The following PKD1L1 variants were observed in gnomAD, a reference collection of about 807,000 sequenced individuals.
PKD1L1 encodes the protein polycystin 1 like 1, transient receptor potential channel interacting.
PKD1L1 carries 236 observed loss-of-function variants against 323.4 expected under a neutral mutation model. The observed-to-expected ratio is 0.73, with a 90% CI of 0.66 to 0.81. The LOEUF (loss-of-function observed/expected upper bound fraction) is 0.81, where lower values mean the gene tolerates loss of function less well. Among genes scored for constraint, PKD1L1 ranks in the 40% least tolerant of loss-of-function variants. The probability of loss-of-function intolerance (pLI) is 0.00; values close to 1 mark genes in which losing one functional copy is unlikely to be tolerated. For synonymous variants in PKD1L1, 1,344 were observed against 1,335.0 expected (o/e 1.01, Z -0.15); for missense variants, 3,320 against 3,508.0 (o/e 0.95, Z 1.35).
intron 9 of PKD1L1, among the ~76,000 whole-genome samples, chr7:47,906,275 A>G (rs1478809298): frequency 2.6e-5 from 4 of 152,200 alleles, no homozygotes; most frequent in Non-Finnish European, 4.4e-5. Context: ...GTATTTCTCA[A>G]TATGTACACT....
chr7:47,872,533 G>C (rs1326374262), intron 24 of PKD1L1, among the ~76,000 whole-genome samples: 1 of 152,142 alleles, frequency 6.6e-6, no homozygotes, highest in Non-Finnish European at 1.5e-5. Flanking sequence ...ACATAAAAAT[G>C]GGTAAAGTAC....
intron 26 of PKD1L1, among the ~76,000 whole-genome samples, chr7:47,862,219 T>C (rs1786047867): frequency 6.6e-6 from 1 of 151,698 alleles, no homozygotes; most frequent in Admixed American, 6.6e-5. Context: ...AATTGGATTG[T>C]GTCCTCAAAC....
intron 34 of PKD1L1, among the ~76,000 whole-genome samples, chr7:47,842,112 C>T (rs891471250): frequency 6.6e-6 from 1 of 152,226 alleles, no homozygotes; most frequent in Non-Finnish European, 1.5e-5. Flanking sequence ...TAAAGCTTCA[C>T]CACTAAATCT....
At chr7:47,931,071 GT>G in intron 6 of PKD1L1, 32 bp downstream of exon 6, 1 of 1,590,232 alleles carries the variant, frequency 6.3e-7, no homozygotes, top group Non-Finnish European at 8.6e-7. Context: ...GATTGGAGAA[GT>G]GGTGCTGGCC....
chr7:47,949,688 C>T (rs1341929559), upstream of PKD1L1, among the ~76,000 whole-genome samples: 1 of 152,170 alleles, frequency 6.6e-6, no homozygotes, highest in Non-Finnish European at 1.5e-5. Context: ...ATGTTTTACT[C>T]AGAACACTAG....
intron 42 of PKD1L1, among the ~76,000 whole-genome samples, chr7:47,830,790 G>A (rs377280101): frequency 7.9e-5 from 12 of 152,206 alleles, no homozygotes; most frequent in Admixed American, 2.0e-4. Context: ...GTGCCGGAGT[G>A]ACAGGATCAG....
At chr7:47,950,944 C>G (rs999636751), upstream of PKD1L1, among the ~76,000 whole-genome samples, 2 of 152,170 alleles carry the variant, frequency 1.3e-5, no homozygotes, top group Non-Finnish European at 2.9e-5. Flanking sequence ...GGGCCATACT[C>G]CTCCACCTGG....
chr7:47,809,709 T>C (rs1584958182), intron 50 of PKD1L1, 132 bp from the exon 51 acceptor site: 2 of 623,930 alleles, frequency 3.2e-6, no homozygotes, highest in East Asian at 6.0e-5. Context: ...TTTCCTGTTC[T>C]GCAGAGGTTT....
At chr7:47,851,574 T>C (rs1562958906) in intron 31 of PKD1L1, among the ~76,000 whole-genome samples, 1 of 152,258 alleles carries the variant, frequency 6.6e-6, no homozygotes, top group East Asian at 1.9e-4. Flanking sequence ...ATATCACCCA[T>C]GGATCCTTAA....
At chr7:47,811,551 C>T (rs540134181) in intron 50 of PKD1L1, among the ~76,000 whole-genome samples, 1 of 152,338 alleles carries the variant, frequency 6.6e-6, no homozygotes, top group African/African-American at 2.4e-5. Flanking sequence ...CCCAATTCCC[C>T]CGTGATGAAT....
intron 3 of PKD1L1, among the ~76,000 whole-genome samples, chr7:47,938,496 G>A (rs923830429): frequency 3.9e-5 from 6 of 152,206 alleles, no homozygotes; most frequent in Non-Finnish European, 7.3e-5. Flanking sequence ...CTAGTGAGCA[G>A]CATGGGAGAC....
At chr7:47,939,130 C>G (rs12669119) in intron 3 of PKD1L1, among the ~76,000 whole-genome samples, 19,101 of 152,218 alleles carry the variant, frequency 0.13, 1,339 homozygotes, top group East Asian at 0.23. Context: ...AGACGCTCAT[C>G]TTACTAAATA....
At chr7:47,950,847 C>T (rs1788194439), upstream of PKD1L1, among the ~76,000 whole-genome samples, 1 of 152,222 alleles carries the variant, frequency 6.6e-6, no homozygotes, top group Admixed American at 6.5e-5. Flanking sequence ...GGCAGCCTCG[C>T]CTTTTTCCGG....
intron 19 of PKD1L1, among the ~76,000 whole-genome samples, chr7:47,884,167 T>G (rs1786628398): frequency 6.9e-6 from 1 of 145,812 alleles, no homozygotes; most frequent in African/African-American, 2.6e-5. Flanking sequence ...GTGTGTGTGT[T>G]TTGGGGGTTG....
Position 47,905,939 on chromosome 7 carries a change from G to C in PKD1L1, c.1426C>G (p.Pro476Ala). 5 of 1,609,372 alleles carry C rather than the reference G, an allele frequency of 3.1e-6. No individual in the cohort carries two copies. The highest frequency in any genetic ancestry group is 4.2e-6 in the Non-Finnish European group (5 of 1,178,484). ...GACACGTTATATGAAGGAATAGATGGAAAGTGATGTATAACCACAGTGCCT... is the reference window on the plus strand; with the variant it reads ...GACACGTTATATGAAGGAATAGATGCAAAGTGATGTATAACCACAGTGCCT... ...QKSTVVIHHF[P>A]SIPSYNVSFI... Residue 476 changes from proline to alanine, a missense_variant, in exon 10 of 57, where the codon CCA (proline) becomes GCA (alanine). Transcript: ENST00000289672.
chr7:47,882,916 G>A (rs868736334), intron 19 of PKD1L1, among the ~76,000 whole-genome samples: 2 of 152,140 alleles, frequency 1.3e-5, no homozygotes, highest in Middle Eastern at 3.2e-3. Flanking sequence ...GCAAAGGAAG[G>A]GCTCCTGCAT....
rs1040739546 is a variant in PKD1L1 at position 47,946,328 on chromosome 7, A to G, written c.44+2069T>C. ...CAGGGGCTGGGGGGCAAGGGGAGGG[A>G]GAGCATTAGGACAAATACCTACCAC... On this transcript the variant is annotated intron_variant, in intron 1 of 56. Coordinates refer to ENST00000289672, the MANE Select transcript of PKD1L1 (RefSeq NM_138295.5). This position sits in a 1 kb window ranked among gnomAD's most constrained non-coding sequence, Gnocchi z 4.1. 6.6e-6 allele frequency among the ~76,000 whole-genome samples: 1 copy of G among 151,864 alleles called. No homozygotes were observed. Among genetic ancestry groups the G allele is most frequent in the African/African-American group, 2.4e-5 (1 of 41,324 alleles).
At chr7:47,848,175 C>T (rs1347843363) in intron 31 of PKD1L1, among the ~76,000 whole-genome samples, 2 of 152,122 alleles carry the variant, frequency 1.3e-5, no homozygotes, top group Non-Finnish European at 2.9e-5. Flanking sequence ...ACCAAAACCA[C>T]ATAGGCATTT....
intron 46 of PKD1L1, chr7:47,817,890 A>C: frequency 3.4e-6 from 2 of 585,664 alleles, no homozygotes. Context: ...TTTCCATAGC[A>C]TGTATGAGTA....
Sources: allele counts gnomAD v4.1 joint callset (sites outside exome capture counted in the v4.1 genomes callset), GRCh38; gene constraint gnomAD v4.1.1; non-coding constraint Gnocchi (gnomAD v3.1); transcripts MANE v1.5; gene names NCBI Gene and HGNC (gene_info 2026-07-23, HGNC 2026-07-21).